The following C8orf34 variants were observed in gnomAD, a reference collection of about 807,000 sequenced individuals.
C8orf34 encodes chromosome 8 open reading frame 34, also known as uncharacterized protein C8orf34.
Under a neutral mutation model 68.3 loss-of-function variants are expected in C8orf34, and 65 were observed. The ratio of observed to expected loss-of-function variants is 0.95; its 90% CI spans 0.78 to 1.17. The LOEUF is 1.17. C8orf34 is among the 50% of genes most tolerant of loss of function. The probability of loss-of-function intolerance (pLI) is 0.00; values close to 1 mark genes in which losing one functional copy is unlikely to be tolerated. For synonymous variants in C8orf34, 244 were observed against 241.2 expected, an observed-to-expected ratio of 1.01 and a Z score of -0.11; for missense variants, 664 against 655.4, an observed-to-expected ratio of 1.01 and a Z score of -0.14.
At chr8:68,644,545 C>T (rs1425012034) in intron 8 of C8orf34, among the ~76,000 whole-genome samples, 3 of 152,120 alleles carry the variant, frequency 2.0e-5, no homozygotes, top group Admixed American at 2.0e-4. Context: ...AATAAGTATA[C>T]CAAAACAGCA....
At chr8:68,375,973 T>G (rs868312535) in intron 1 of C8orf34, among the ~76,000 whole-genome samples, 2 of 152,200 alleles carry the variant, frequency 1.3e-5, no homozygotes, top group Non-Finnish European at 2.9e-5. Context: ...ACCGTTTGTC[T>G]ATTCTTCAAC....
intron 5 of C8orf34, among the ~76,000 whole-genome samples, chr8:68,501,274 A>G (rs1057443064): frequency 6.6e-6 from 1 of 152,164 alleles, no homozygotes; most frequent in African/African-American, 2.4e-5. Context: ...CCATCTCACC[A>G]TTTCTGAAGA....
chr8:68,423,847 G>A (rs1810091132), intron 1 of C8orf34, among the ~76,000 whole-genome samples: 1 of 152,116 alleles, frequency 6.6e-6, no homozygotes, highest in South Asian at 2.1e-4. Context: ...TCTTCACAGG[G>A]CAGCAGGAAA....
chr8:68,747,746 A>C (rs1162423794), intron 10 of C8orf34, among the ~76,000 whole-genome samples: 1 of 151,866 alleles, frequency 6.6e-6, no homozygotes, highest in Non-Finnish European at 1.5e-5. Flanking sequence ...GGATACAAAC[A>C]AATGGAAGAA....
intron 3 of C8orf34, among the ~76,000 whole-genome samples, chr8:68,457,474 GA>G (rs1811602033): frequency 6.6e-6 from 1 of 152,104 alleles, no homozygotes; most frequent in Admixed American, 6.6e-5. Flanking sequence ...TTAAATTTTA[GA>G]AAACAGGGTT....
chr8:68,331,434 A>G lies in C8orf34; in HGVS notation c.327+95A>G, dbSNP rs763901435. ...CTCCCAATCCCACCCCTCCCAGGGA[A>G]GGAGGGCTAGAGAACCAACGCGCGG... On this transcript the variant is annotated intron_variant, in intron 1 of 13. Coordinates refer to ENST00000518698, the MANE Select transcript of C8orf34 (RefSeq NM_052958.4). The G allele has an allele frequency of 2.0e-5, 27 of 1,354,942 alleles. No individual in the cohort carries two copies. In the African/African-American group the frequency reaches 3.3e-4, roughly 17 times the overall value. The allele number at this position is 1,354,942 out of a possible 1,614,324, so 83.9% of individuals were successfully genotyped here.
chr8:68,776,762 T>C (rs562669164), intron 11 of C8orf34, among the ~76,000 whole-genome samples: 1 of 152,250 alleles, frequency 6.6e-6, no homozygotes, highest in East Asian at 1.9e-4. Flanking sequence ...ATGGTTTACA[T>C]TGGAGTGTGC....
chr8:68,785,042 A>AT, intron 11 of C8orf34, among the ~76,000 whole-genome samples: 1 of 151,860 alleles, frequency 6.6e-6, no homozygotes, highest in East Asian at 1.9e-4. Flanking sequence ...GTAGAGAAAC[A>AT]TATGTGTATA....
chr8:68,753,332 A>AAG lies in C8orf34; in HGVS notation c.1405-23067_1405-23066insAG, dbSNP rs1284197282. 4.4e-3 allele frequency among the ~76,000 whole-genome samples: 666 copies of AAG among 152,298 alleles called. 2 individuals carry two copies. The highest frequency in any genetic ancestry group is 0.015 in the African/African-American group (641 of 41,578). On this transcript the variant is annotated intron_variant, in intron 10 of 13. Coordinates refer to ENST00000518698, the MANE Select transcript of C8orf34 (RefSeq NM_052958.4). ...TAACATGGCCCCTCTCACTAAACCG[A>AAG]TTGCATGAAGCCTTGTAGAAAAAAA... is the stretch of plus-strand genomic sequence containing the variant.
At chr8:68,546,806 T>C (rs1395456711) in intron 7 of C8orf34, among the ~76,000 whole-genome samples, 1 of 151,714 alleles carries the variant, frequency 6.6e-6, no homozygotes, top group Admixed American at 6.6e-5. Context: ...AATTTCAAAA[T>C]ATTTGGAAAT....
chr8:68,526,490 C>T (rs1396777014), intron 6 of C8orf34, among the ~76,000 whole-genome samples: 1 of 152,130 alleles, frequency 6.6e-6, no homozygotes, highest in Non-Finnish European at 1.5e-5. Context: ...TGTTACTGCT[C>T]AGTTCACAGT....
intron 1 of C8orf34, among the ~76,000 whole-genome samples, chr8:68,383,784 C>T (rs145633032): frequency 1.4e-3 from 216 of 152,300 alleles, no homozygotes; most frequent in African/African-American, 5.0e-3. Context: ...CTGGCATCTC[C>T]ATGACTGTCT....
intron 10 of C8orf34, among the ~76,000 whole-genome samples, chr8:68,763,109 A>G (rs1823067957): frequency 6.6e-6 from 1 of 152,128 alleles, no homozygotes; most frequent in Non-Finnish European, 1.5e-5. Flanking sequence ...AGTAAGATGG[A>G]CTTATTTTTT....
intron 7 of C8orf34, among the ~76,000 whole-genome samples, chr8:68,565,536 A>G (rs1435053545): frequency 3.3e-5 from 5 of 152,220 alleles, no homozygotes; most frequent in African/African-American, 4.8e-5. Flanking sequence ...GAGAAAGGGA[A>G]TGAGCATTTA....
intron 8 of C8orf34, among the ~76,000 whole-genome samples, chr8:68,652,451 A>T (rs1040090981): frequency 4.6e-5 from 7 of 152,170 alleles, no homozygotes; most frequent in Admixed American, 1.3e-4. Flanking sequence ...GCTATCACTT[A>T]GGCATGTGGT....
chr8:68,810,376 A>G (rs925755232), intron 12 of C8orf34, among the ~76,000 whole-genome samples: 1 of 152,208 alleles, frequency 6.6e-6, no homozygotes, highest in African/African-American at 2.4e-5. Flanking sequence ...CTGGCAGTGA[A>G]GAATGTGGTG....
Position 68,439,578 on chromosome 8 carries a change from G to A in C8orf34, c.407G>A (p.Gly136Glu), listed in dbSNP as rs1223592565. The A allele has an allele frequency of 1.2e-6, 2 of 1,613,618 alleles. No individual in the cohort carries two copies. Among genetic ancestry groups the A allele is most frequent in the East Asian group, 4.5e-5 (2 of 44,814 alleles). ...ATTGACCATCTTCAGTCTAAACAAGGGAACCGTGGACAACTTCAAAGAACT... is the reference window on the plus strand; with the variant it reads ...ATTGACCATCTTCAGTCTAAACAAGAGAACCGTGGACAACTTCAAAGAACT... ...FLIDHLQSKQ[G>E]NRGQLQRTLS... The change falls in exon 2 of 14, where the codon GGG becomes GAG. Residue 136 changes from glycine to glutamate, a missense_variant. By Grantham distance (98) the Gly-to-Glu change is moderately conservative. Coordinates refer to ENST00000518698, the MANE Select transcript of C8orf34 (RefSeq NM_052958.4).
intron 8 of C8orf34, among the ~76,000 whole-genome samples, chr8:68,667,658 G>T (rs546920659): frequency 1.8e-4 from 28 of 152,112 alleles, no homozygotes; most frequent in Non-Finnish European, 3.8e-4. Context: ...ACTGGCCTAA[G>T]ATTCTGTATT....
rs141018430 is a variant in C8orf34, at chr8:68,342,145, C to T, written c.327+10806C>T. On this transcript the variant is annotated intron_variant, in intron 1 of 13. Coordinates refer to ENST00000518698, the MANE Select transcript of C8orf34 (RefSeq NM_052958.4). Reference sequence around the variant, plus strand: ...GTTAATCAGCATGATTTTGTCATTTCATAGTGTATAATATATCAAAATATC... The same window carrying T: ...GTTAATCAGCATGATTTTGTCATTTTATAGTGTATAATATATCAAAATATC... 7.8e-3 allele frequency among the ~76,000 whole-genome samples: 1,194 copies of T among 152,246 alleles called. 19 individuals are homozygous for T. Among genetic ancestry groups the T allele is most frequent in the African/African-American group, 0.026 (1,098 of 41,540 alleles).
Sources: allele counts gnomAD v4.1 joint callset (sites outside exome capture counted in the v4.1 genomes callset), GRCh38; gene constraint gnomAD v4.1.1; transcripts MANE v1.5; gene names NCBI Gene and HGNC (gene_info 2026-07-23, HGNC 2026-07-21).